Variants in CNKSR2 observed in about 807,000 individuals in gnomAD.
CNKSR2 encodes connector enhancer of kinase suppressor of Ras 2, also known as CNK homolog protein 2.
A neutral mutation model predicts 84.4 loss-of-function variants in CNKSR2; 14 were observed. The observed-to-expected ratio is 0.17, with a 90% confidence interval of 0.11 to 0.26. The LOEUF (loss-of-function observed/expected upper bound fraction) is 0.26. Among genes scored for constraint, CNKSR2 ranks in the 10% least tolerant of loss-of-function variants. The probability of loss-of-function intolerance (pLI) is 1.00; values close to 1 mark genes in which losing one functional copy is unlikely to be tolerated. For synonymous variants in CNKSR2, 275 were observed against 277.9 expected, an observed-to-expected ratio of 0.99 and a Z score of 0.10; for missense variants, 485 against 771.2, an observed-to-expected ratio of 0.63 and a Z score of 4.40.
At chrX:21,498,597 C>A (rs756430395) in intron 7 of CNKSR2, among the ~76,000 whole-genome samples, 2 of 111,684 alleles carry the variant, frequency 1.8e-5, no homozygotes, top group East Asian at 5.6e-4. Context: ...CACTACATAC[C>A]TCACTAGGTT....
At chrX:21,649,693 C>T (rs2092715790) in intron 21 of CNKSR2, among the ~76,000 whole-genome samples, 1 of 111,514 alleles carries the variant, frequency 9.0e-6, no homozygotes, top group African/African-American at 3.3e-5. Flanking sequence ...GACAAGTGAG[C>T]CCTGCTCACT....
chrX:21,489,164 T>C (rs769471915), intron 5 of CNKSR2, among the ~76,000 whole-genome samples: 1 of 111,570 alleles, frequency 9.0e-6, no homozygotes, highest in East Asian at 2.8e-4. Context: ...CTTACACATA[T>C]TGATTGATGT....
chrX:21,569,699 A>G (rs1050253188), intron 13 of CNKSR2, among the ~76,000 whole-genome samples: 4 of 112,414 alleles, frequency 3.6e-5, no homozygotes, highest in African/African-American at 1.3e-4. Context: ...ATCACTATCT[A>G]TGGCAGCTAT....
At chrX:21,393,361 A>T (rs1437587285) in intron 1 of CNKSR2, among the ~76,000 whole-genome samples, 1 of 112,538 alleles carries the variant, frequency 8.9e-6, no homozygotes, top group Non-Finnish European at 1.9e-5. Context: ...AGAATGCTTT[A>T]CATTTAAAGA....
intron 5 of CNKSR2, among the ~76,000 whole-genome samples, chrX:21,485,281 T>A (rs1237160779): frequency 8.9e-6 from 1 of 112,029 alleles, no homozygotes; most frequent in Non-Finnish European, 1.9e-5. Flanking sequence ...TATTCAGACA[T>A]AATGAAAGAA....
At chrX:21,640,536 T>TATC (rs1287214947) in intron 20 of CNKSR2, among the ~76,000 whole-genome samples, 3 of 112,069 alleles carry the variant, frequency 2.7e-5, no homozygotes, top group African/African-American at 9.7e-5. Context: ...AACTATGCTA[T>TATC]ATCTTGTTTG....
At chrX:21,537,738 G>A (rs1460842077) in intron 11 of CNKSR2, 3 of 106,814 alleles carry the variant, frequency 2.8e-5, no homozygotes, top group African/African-American at 1.0e-4. Flanking sequence ...GTCGGTATGT[G>A]TCTACAGGTG....
At chrX:21,545,075 G>A (rs968391393) in intron 11 of CNKSR2, among the ~76,000 whole-genome samples, 9 of 111,308 alleles carry the variant, frequency 8.1e-5, no homozygotes, top group Non-Finnish European at 1.7e-4. Flanking sequence ...AAGCCAGGGA[G>A]CCAAGGGATC....
At chrX:21,488,652 A>G (rs2061741718) in intron 5 of CNKSR2, among the ~76,000 whole-genome samples, 1 of 111,884 alleles carries the variant, frequency 8.9e-6, no homozygotes, top group Admixed American at 9.5e-5. Context: ...TGAACCCAGC[A>G]CAAAGTGAGG....
At chrX:21,637,872 T>C (rs1346390375) in intron 20 of CNKSR2, among the ~76,000 whole-genome samples, 1 of 111,638 alleles carries the variant, frequency 9.0e-6, no homozygotes, top group Non-Finnish European at 1.9e-5. Context: ...ACAATTCTAC[T>C]CTCCCAGGAG....
rs977150864 is a variant in CNKSR2, at chrX:21,448,728, A to T, written c.519+7947A>T. Reference sequence around the variant, plus strand: ...TTAATATTACTTTTAATGGCAAAAAACACGAATACTTTTGCACCAACCTAA... The same window carrying T: ...TTAATATTACTTTTAATGGCAAAAATCACGAATACTTTTGCACCAACCTAA... On this transcript the variant is annotated intron_variant, in intron 4 of 21. Coordinates refer to ENST00000379510, the MANE Select transcript of CNKSR2 (RefSeq NM_014927.5). 3.3e-4 allele frequency among the ~76,000 whole-genome samples: 37 copies of T among 111,641 alleles called. 1 individual carries two copies. The highest frequency in any genetic ancestry group is 1.0e-3 in the African/African-American group (32 of 30,707).
chrX:21,634,723 A>G (rs1411015808), intron 20 of CNKSR2, among the ~76,000 whole-genome samples: 1 of 107,522 alleles, frequency 9.3e-6, no homozygotes, highest in Non-Finnish European at 1.9e-5. Flanking sequence ...CTAATGCTGA[A>G]TGATATTCTT....
At chrX:21,513,083 C>T (rs2091691535) in intron 8 of CNKSR2, among the ~76,000 whole-genome samples, 1 of 111,829 alleles carries the variant, frequency 8.9e-6, no homozygotes. Context: ...ATTGTTGATG[C>T]TTGCGATTAT....
chrX:21,460,880 T>C (rs1018002747), intron 4 of CNKSR2, among the ~76,000 whole-genome samples: 1 of 112,497 alleles, frequency 8.9e-6, no homozygotes, highest in Non-Finnish European at 1.9e-5. Flanking sequence ...CTGAATCTCA[T>C]TTTTAATGGC....
chrX:21,460,357 T>C (rs1017950000), intron 4 of CNKSR2, among the ~76,000 whole-genome samples: 1 of 112,104 alleles, frequency 8.9e-6, no homozygotes, highest in Non-Finnish European at 1.9e-5. Context: ...CTTAGAGTAA[T>C]GTTTAACTTT....
At chrX:21,398,553 G>T (rs1248450641) in intron 1 of CNKSR2, among the ~76,000 whole-genome samples, 1 of 111,635 alleles carries the variant, frequency 9.0e-6, no homozygotes. Flanking sequence ...TCTGATAGCT[G>T]CTGTCAAAGA....
chrX:21,544,052 G>C (rs2092000369), intron 11 of CNKSR2, among the ~76,000 whole-genome samples: 1 of 111,595 alleles, frequency 9.0e-6, no homozygotes, highest in Non-Finnish European at 1.9e-5. Context: ...TATAATAAAT[G>C]CTTGCTGCTC....
intron 1 of CNKSR2, among the ~76,000 whole-genome samples, chrX:21,399,685 T>C (rs12009604): frequency 0.066 from 7,389 of 111,185 alleles, 596 homozygotes; most frequent in African/African-American, 0.22. Context: ...TTAAGTCACA[T>C]TAACTTGTAC....
intron 4 of CNKSR2, among the ~76,000 whole-genome samples, chrX:21,447,845 T>A (rs2090875204): frequency 9.0e-6 from 1 of 111,678 alleles, no homozygotes; most frequent in Non-Finnish European, 1.9e-5. Flanking sequence ...GAGTTTAGAA[T>A]CAAGTAAAGA....
Sources: gnomAD v4.1 joint callset for allele counts (sites outside exome capture counted in the v4.1 genomes callset) on GRCh38, gnomAD v4.1.1 for gene constraint, MANE v1.5 for transcripts, NCBI Gene and HGNC (gene_info 2026-07-23, HGNC 2026-07-21) for gene names.